PRKCA: variants seen among roughly 807,000 people sequenced by gnomAD.
PRKCA encodes protein kinase C alpha, also known as protein kinase C alpha type.
Under a neutral mutation model 87.0 loss-of-function variants are expected in PRKCA, and 27 were observed. The observed-to-expected ratio is 0.31, with a 90% confidence interval of 0.23 to 0.43. The LOEUF (loss-of-function observed/expected upper bound fraction) is 0.43. Among genes scored for constraint, PRKCA ranks in the 20% least tolerant of loss-of-function variants. The pLI is 1.00. For missense variants in PRKCA, 518 were observed against 852.3 expected (o/e 0.61, Z 4.88); for synonymous variants, 329 against 311.1 (o/e 1.06, Z -0.61).
chr17:66,552,403 T>TCACA, intron 3 of PRKCA, among the ~76,000 whole-genome samples: 1 of 152,196 alleles, frequency 6.6e-6, no homozygotes, highest in East Asian at 1.9e-4. Flanking sequence ...TTTCTGTGGG[T>TCACA]CACAGTTCAG....
At chr17:66,451,122 A>G (rs555885444) in intron 2 of PRKCA, among the ~76,000 whole-genome samples, 1 of 152,314 alleles carries the variant, frequency 6.6e-6, no homozygotes, top group Non-Finnish European at 1.5e-5. Flanking sequence ...TAACCAAGTA[A>G]TATCTTAATT....
At position 66,485,804 on chromosome 17, in the gene PRKCA, C is replaced by T. The variant is rs182718923; in HGVS notation, c.206-10397C>T. On this transcript the variant is annotated intron_variant, in intron 2 of 16. Transcript: ENST00000413366. ...AAGGCAGAGCATACAGTCCCAAAGC[C>T]GAGTCCAGCCTCCTTAGCTCCTTGC... Among the ~76,000 whole-genome samples, 251 of 152,248 alleles carry T rather than the reference C, an allele frequency of 1.6e-3. 3 individuals are homozygous for T. Among genetic ancestry groups the T allele is most frequent in the Non-Finnish European group, 2.9e-3 (199 of 68,024 alleles).
At chr17:66,680,527 A>T (rs1972461017) in intron 5 of PRKCA, among the ~76,000 whole-genome samples, 1 of 152,232 alleles carries the variant, frequency 6.6e-6, no homozygotes, top group African/African-American at 2.4e-5. Flanking sequence ...TTGGAGGGCC[A>T]TGTTGTCCTT....
At chr17:66,442,573 A>G (rs4791060) in intron 2 of PRKCA, among the ~76,000 whole-genome samples, 1 of 151,876 alleles carries the variant, frequency 6.6e-6, no homozygotes, top group Non-Finnish European at 1.5e-5. Flanking sequence ...GCCCTGTATC[A>G]TCAGCTGCCC....
Position 66,356,339 on chromosome 17 carries a change from A to G in PRKCA, c.205+50212A>G, listed in dbSNP as rs138678095. On this transcript the variant is annotated intron_variant, in intron 2 of 16. Coordinates refer to ENST00000413366, the MANE Select transcript of PRKCA (RefSeq NM_002737.3). ...TAAAAGACACCAACATTATTTGCAT[A>G]ACAAAACACCATATAGGCCGGCACG... 2.2e-3 allele frequency among the ~76,000 whole-genome samples: 334 copies of G among 152,252 alleles called. 1 individual carries two copies. Among genetic ancestry groups the G allele is most frequent in the African/African-American group, 7.7e-3 (318 of 41,550 alleles).
At chr17:66,511,235 A>G (rs188902453) in intron 3 of PRKCA, among the ~76,000 whole-genome samples, 14 of 152,286 alleles carry the variant, frequency 9.2e-5, no homozygotes, top group Admixed American at 3.3e-4. Context: ...TAAGAATTTC[A>G]TACTCGAAAA....
In PRKCA at chr17:66,497,226, G is replaced by A. The variant is rs571129875; in HGVS notation, c.288+943G>A. Among the ~76,000 whole-genome samples the A allele has an allele frequency of 1.6e-4, 25 of 152,234 alleles. No individual in the cohort carries two copies. The East Asian group carries it at 3.7e-3, about 22-fold the overall frequency. On this transcript the variant is annotated intron_variant, in intron 3 of 16. Coordinates refer to ENST00000413366, the MANE Select transcript of PRKCA (RefSeq NM_002737.3). ...AAAATGGGATCCACAGGCCGGGCAC[G>A]GTGGCTCACGCCTGTAATCCCAGCA...
chr17:66,731,515 G>A (rs1010756608), intron 8 of PRKCA, among the ~76,000 whole-genome samples: 2 of 152,048 alleles, frequency 1.3e-5, no homozygotes, highest in African/African-American at 2.4e-5. Context: ...TCAAAATTCG[G>A]AGTCTTGTGC....
At position 66,791,793 on chromosome 17, in the gene PRKCA, A is replaced by G. The variant is rs77162324; in HGVS notation, c.1854+2814A>G. On this transcript the variant is annotated intron_variant, in intron 16 of 16. Coordinates refer to ENST00000413366, the MANE Select transcript of PRKCA (RefSeq NM_002737.3). ...AAGCAACCAAAGTCGAAGCTGCACAATACGCTCTGGTTAATACAAACAGCA... is the reference window on the plus strand; with the variant it reads ...AAGCAACCAAAGTCGAAGCTGCACAGTACGCTCTGGTTAATACAAACAGCA... 8.9e-3 allele frequency among the ~76,000 whole-genome samples: 1,362 copies of G among 152,350 alleles called. 24 individuals are homozygous for G. Among genetic ancestry groups the G allele is most frequent in the Admixed American group, 0.038 (578 of 15,302 alleles).
At chr17:66,711,609 T>TG (rs1805998964) in intron 8 of PRKCA, among the ~76,000 whole-genome samples, 1 of 152,186 alleles carries the variant, frequency 6.6e-6, no homozygotes, top group African/African-American at 2.4e-5. Context: ...CTCAGCGTAT[T>TG]GCCTGTGTTC....
At chr17:66,332,942 T>C (rs1460967508) in intron 2 of PRKCA, among the ~76,000 whole-genome samples, 1 of 152,174 alleles carries the variant, frequency 6.6e-6, no homozygotes, top group Non-Finnish European at 1.5e-5. Context: ...CCACCCGCCT[T>C]GGCCTCCCGA....
chr17:66,773,958 A>T, intron 13 of PRKCA, 29 bp from the exon 14 acceptor site: 5 of 1,613,542 alleles, frequency 3.1e-6, no homozygotes, highest in Non-Finnish European at 4.2e-6. Flanking sequence ...CTTACCACTA[A>T]TGTAATTGAT....
chr17:66,375,674 T>C (rs1909377715), intron 2 of PRKCA, among the ~76,000 whole-genome samples: 1 of 152,186 alleles, frequency 6.6e-6, no homozygotes, highest in Non-Finnish European at 1.5e-5. Flanking sequence ...ATATTTAAAA[T>C]AGTTGTTGGC....
chr17:66,388,138 C>T (rs1444570579), intron 2 of PRKCA, among the ~76,000 whole-genome samples: 2 of 150,510 alleles, frequency 1.3e-5, no homozygotes, highest in Non-Finnish European at 3.0e-5. Context: ...AGCAGAGATC[C>T]GTGAGCCTGG....
chr17:66,734,352 T>C (rs1973973044), intron 9 of PRKCA, among the ~76,000 whole-genome samples: 1 of 152,216 alleles, frequency 6.6e-6, no homozygotes, highest in Non-Finnish European at 1.5e-5. Flanking sequence ...AACAAGGGTT[T>C]TATTATTCAT....
chr17:66,741,011 G>A (rs577321862), intron 11 of PRKCA, among the ~76,000 whole-genome samples: 54 of 152,272 alleles, frequency 3.5e-4, no homozygotes, highest in African/African-American at 1.3e-3. Flanking sequence ...TATTTCCACA[G>A]GCACAGTCTT....
In PRKCA at chr17:66,645,483, G is replaced by A; in HGVS notation, c.501G>A (p.Glu167=). 6.2e-7 allele frequency: 1 copy of A among 1,614,208 alleles called. No individual in the cohort carries two copies. Residue 167 remains glutamate, a synonymous_variant, in exon 5 of 17, where the codon GAG becomes GAA. Coordinates refer to ENST00000413366, the MANE Select transcript of PRKCA (RefSeq NM_002737.3). ...EKRGRIYLKA[E]VADEKLHVTV... ...GGGGGCGGATTTACCTAAAGGCTGA[G>A]GTTGCTGATGAAAAGCTCCATGTCA...
chr17:66,462,831 GC>G (rs1914911324), intron 2 of PRKCA, among the ~76,000 whole-genome samples: 1 of 152,042 alleles, frequency 6.6e-6, no homozygotes, highest in Admixed American at 6.6e-5. Flanking sequence ...ATTAAAAGTA[GC>G]CCAGAAGTTT....
intron 2 of PRKCA, among the ~76,000 whole-genome samples, chr17:66,339,148 C>A (rs1014818819): frequency 2.6e-5 from 4 of 152,134 alleles, no homozygotes; most frequent in African/African-American, 7.2e-5. Flanking sequence ...ACAGTATCAA[C>A]CAAGAGATAG....
Sources: allele counts gnomAD v4.1 joint callset (sites outside exome capture counted in the v4.1 genomes callset), GRCh38; gene constraint gnomAD v4.1.1; transcripts MANE v1.5; gene names NCBI Gene and HGNC (gene_info 2026-07-23, HGNC 2026-07-21).